TBC1D8: variants seen among roughly 807,000 people sequenced by gnomAD.
The protein encoded by TBC1D8 is TBC1 domain family member 8.
In TBC1D8, 65 loss-of-function variants were observed where a neutral mutation model predicts 118.8. The observed-to-expected ratio is 0.55, with a 90% CI of 0.45 to 0.67. The LOEUF (loss-of-function observed/expected upper bound fraction) is 0.67. Ranked by LOEUF, TBC1D8 falls within the 30% of genes least tolerant of loss-of-function variation. TBC1D8 has a pLI of 0.00. For synonymous variants in TBC1D8, 566 were observed against 595.8 expected (o/e 0.95, Z 0.73); for missense variants, 1,376 against 1,471.2 (o/e 0.94, Z 1.06).
chr2:101,032,609 C>T (rs985277823), intron 10 of TBC1D8: 1 of 483,636 alleles, frequency 2.1e-6, no homozygotes, highest in South Asian at 3.4e-5. Context: ...AGCTCCGGTC[C>T]CCATCTAGCA....
chr2:101,044,881 T>TGGGA (rs755001819), intron 5 of TBC1D8, among the ~76,000 whole-genome samples: 13 of 152,214 alleles, frequency 8.5e-5, no homozygotes, highest in Non-Finnish European at 1.8e-4. Flanking sequence ...CCTGAGTAGC[T>TGGGA]GGGATTACAG....
intron 1 of TBC1D8, among the ~76,000 whole-genome samples, chr2:101,140,324 T>C (rs1231072719): frequency 6.6e-6 from 1 of 152,206 alleles, no homozygotes; most frequent in African/African-American, 2.4e-5. Context: ...ATTTCTGAAA[T>C]TTAAAACATT....
chr2:101,013,901 C>A (rs1431113849), intron 17 of TBC1D8, among the ~76,000 whole-genome samples: 1 of 152,214 alleles, frequency 6.6e-6, no homozygotes, highest in Non-Finnish European at 1.5e-5. Context: ...TTCCTCTCAT[C>A]CCTCCATAGT....
intron 9 of TBC1D8, among the ~76,000 whole-genome samples, chr2:101,035,695 A>T (rs923198253): frequency 1.3e-5 from 2 of 152,154 alleles, no homozygotes; most frequent in African/African-American, 2.4e-5. Flanking sequence ...CACACTATAG[A>T]CACTTCACTT....
chr2:101,150,998 G>A, intron 1 of TBC1D8, 129 bp downstream of exon 1: 1 of 643,448 alleles, frequency 1.6e-6, no homozygotes, highest in Non-Finnish European at 1.9e-6. Context: ...GCCCGCGGCA[G>A]GGCCGTCCGG....
At chr2:101,070,145 G>A (rs1674819572) in intron 2 of TBC1D8, among the ~76,000 whole-genome samples, 1 of 151,778 alleles carries the variant, frequency 6.6e-6, no homozygotes, top group Non-Finnish European at 1.5e-5. Context: ...TTGAACTCCT[G>A]ACCTCAGGTG....
At chr2:101,057,552 G>A (rs566611050) in intron 3 of TBC1D8, among the ~76,000 whole-genome samples, 12 of 152,200 alleles carry the variant, frequency 7.9e-5, no homozygotes, top group Admixed American at 2.0e-4. Flanking sequence ...TTGGCTGGGC[G>A]TGGTGGCTCA....
At chr2:101,054,917 G>C (rs903820757) in intron 3 of TBC1D8, among the ~76,000 whole-genome samples, 3 of 150,562 alleles carry the variant, frequency 2.0e-5, no homozygotes, top group African/African-American at 7.3e-5. Flanking sequence ...CCCGACCTCA[G>C]GTGATCCACC....
At chr2:101,112,322 C>A (rs1030745396) in intron 1 of TBC1D8, among the ~76,000 whole-genome samples, 3 of 152,176 alleles carry the variant, frequency 2.0e-5, no homozygotes, top group Non-Finnish European at 4.4e-5. Context: ...AACTCCCCAG[C>A]GAATCTATCC....
At chr2:101,047,643 C>T (rs1271088371) in intron 5 of TBC1D8, among the ~76,000 whole-genome samples, 1 of 152,220 alleles carries the variant, frequency 6.6e-6, no homozygotes, top group African/African-American at 2.4e-5. Flanking sequence ...GCTGAACCTG[C>T]AGTCAACAGC....
At chr2:101,100,384 C>T (rs1676748939) in intron 1 of TBC1D8, among the ~76,000 whole-genome samples, 2 of 152,144 alleles carry the variant, frequency 1.3e-5, no homozygotes, top group Admixed American at 6.6e-5. Context: ...AATGGAAAAA[C>T]ATTTCATCCT....
chr2:101,075,738 T>C (rs1674771552), intron 2 of TBC1D8, among the ~76,000 whole-genome samples: 1 of 152,224 alleles, frequency 6.6e-6, no homozygotes, highest in Non-Finnish European at 1.5e-5. Context: ...ATTAAACCTC[T>C]TTCCTTTATA....
rs1054710127 is a variant in TBC1D8, at chr2:101,029,401, A to T, written c.2222+90T>A. 6 of 1,450,976 alleles carry T rather than the reference A, an allele frequency of 4.1e-6. No individual in the cohort carries two copies. The African/African-American group carries it at 7.1e-5, about 17-fold the overall frequency. 89.9% of individuals were successfully genotyped at this position (1,450,976 alleles called of 1,614,324 possible). On this transcript the variant is annotated intron_variant, in intron 12 of 19. Coordinates refer to ENST00000409318, the MANE Select transcript of TBC1D8 (RefSeq NM_001330348.2). ...AGTGAGACTCTGTCTCAATAAAAAAAAAAAAAAACTTCCCCACCGATAGCC... is the reference window on the plus strand; with the variant it reads ...AGTGAGACTCTGTCTCAATAAAAAATAAAAAAAACTTCCCCACCGATAGCC...
intron 17 of TBC1D8, among the ~76,000 whole-genome samples, chr2:101,015,074 A>G (rs1679516785): frequency 6.6e-6 from 1 of 152,244 alleles, no homozygotes; most frequent in Non-Finnish European, 1.5e-5. Flanking sequence ...ACACGAACCT[A>G]GATGCTGTAG....
chr2:101,115,594 T>C (rs1677784089), intron 1 of TBC1D8, among the ~76,000 whole-genome samples: 1 of 151,930 alleles, frequency 6.6e-6, no homozygotes, highest in Non-Finnish European at 1.5e-5. Flanking sequence ...CTACTAAAAA[T>C]GTAGAAATTA....
chr2:101,081,322 CT>C (rs1248935979), intron 2 of TBC1D8, among the ~76,000 whole-genome samples: 1 of 152,192 alleles, frequency 6.6e-6, no homozygotes, highest in Non-Finnish European at 1.5e-5. Flanking sequence ...TCTCCTGACC[CT>C]CCCCTGCTAC....
intron 11 of TBC1D8, among the ~76,000 whole-genome samples, chr2:101,030,442 T>G (rs1233013406): frequency 6.6e-6 from 1 of 152,100 alleles, no homozygotes; most frequent in East Asian, 1.9e-4. Context: ...GAAATGCAAA[T>G]TAAAACCACC....
At chr2:101,016,280 T>C (rs1229916107) in intron 17 of TBC1D8, among the ~76,000 whole-genome samples, 6 of 152,076 alleles carry the variant, frequency 3.9e-5, no homozygotes, top group Non-Finnish European at 8.8e-5. Context: ...AACAGACACT[T>C]CTCAAAAGAA....
At chr2:101,019,170 G>A in intron 17 of TBC1D8, 2 of 1,293,752 alleles carry the variant, frequency 1.5e-6, no homozygotes, top group South Asian at 1.4e-5. Flanking sequence ...AGAGGGCCAG[G>A]CCTGTTCTAC....
Sources: gnomAD v4.1 joint callset for allele counts (sites outside exome capture counted in the v4.1 genomes callset) on GRCh38, gnomAD v4.1.1 for gene constraint, MANE v1.5 for transcripts, NCBI Gene and HGNC (gene_info 2026-07-23, HGNC 2026-07-21) for gene names.